PCSK5: variants seen among roughly 807,000 people sequenced by gnomAD.
PCSK5 encodes the protein prohormone convertase 5.
A neutral mutation model predicts 233.2 loss-of-function variants in PCSK5; 129 were observed. The observed-to-expected ratio is 0.55, with a 90% CI of 0.48 to 0.64. The LOEUF (loss-of-function observed/expected upper bound fraction) is 0.64. Ranked by LOEUF, PCSK5 falls within the 30% of genes least tolerant of loss-of-function variation. The pLI is 0.00. For missense variants in PCSK5, 2,076 were observed against 2,430.1 expected (o/e 0.85, Z 3.06); for synonymous variants, 825 against 879.2 (o/e 0.94, Z 1.09).
intron 28 of PCSK5, among the ~76,000 whole-genome samples, chr9:76,303,795 G>T (rs540989448): frequency 2.0e-5 from 3 of 152,158 alleles, no homozygotes; most frequent in Admixed American, 6.5e-5. Context: ...GGCCAAGGTG[G>T]CTCTGCACAA....
chr9:76,115,331 A>T (rs1274312713), intron 9 of PCSK5, among the ~76,000 whole-genome samples: 1 of 152,120 alleles, frequency 6.6e-6, no homozygotes, highest in Non-Finnish European at 1.5e-5. Context: ...GCTATAAGTG[A>T]CTGAGACAGT....
intron 5 of PCSK5, among the ~76,000 whole-genome samples, chr9:76,050,954 G>C (rs567639569): frequency 5.9e-5 from 9 of 152,090 alleles, no homozygotes; most frequent in Admixed American, 2.6e-4. Context: ...TGGTGGAGGG[G>C]GATATGACAG....
At chr9:76,307,920 G>C (rs768187875) in intron 28 of PCSK5, among the ~76,000 whole-genome samples, 1 of 152,096 alleles carries the variant, frequency 6.6e-6, no homozygotes, top group Non-Finnish European at 1.5e-5. Flanking sequence ...TCATCCGGCC[G>C]GGCGCGGTGG....
At chr9:75,995,871 A>C (rs1052869759) in intron 3 of PCSK5, among the ~76,000 whole-genome samples, 1 of 151,822 alleles carries the variant, frequency 6.6e-6, no homozygotes, top group African/African-American at 2.4e-5. Context: ...TTTCTTTATC[A>C]TTTGTTTTCT....
intron 3 of PCSK5, among the ~76,000 whole-genome samples, chr9:76,019,957 T>C (rs1314844701): frequency 6.6e-6 from 1 of 152,246 alleles, no homozygotes; most frequent in Non-Finnish European, 1.5e-5. Context: ...GAACTGAAAA[T>C]ACCTACATTT....
chr9:76,097,035 G>A (rs1458338714), intron 8 of PCSK5, among the ~76,000 whole-genome samples: 2 of 150,992 alleles, frequency 1.3e-5, no homozygotes, highest in Admixed American at 1.3e-4. Context: ...GGGTTCAAGT[G>A]ATTCTCCTGC....
At chr9:76,192,593 ACTTCTTCTTGTGTTGAATTTAATT>A (rs151276433) in intron 20 of PCSK5, among the ~76,000 whole-genome samples, 40,105 of 151,818 alleles carry the variant, frequency 0.26, 6,155 homozygotes, top group East Asian at 0.54. Context: ...GCACATGACT[ACTTCTTCTTGTGTTGAATTTAATT>A]CTTCTTCTTG....
At chr9:76,334,119 C>T (rs957875031) in intron 34 of PCSK5, among the ~76,000 whole-genome samples, 2 of 152,002 alleles carry the variant, frequency 1.3e-5, no homozygotes, top group Non-Finnish European at 2.9e-5. Context: ...CCAGGCGAAA[C>T]GGGTTTCTCC....
At chr9:76,153,412 G>T (rs1587692866) in intron 10 of PCSK5, among the ~76,000 whole-genome samples, 1 of 152,284 alleles carries the variant, frequency 6.6e-6, no homozygotes, top group East Asian at 1.9e-4. Flanking sequence ...AACTGGTCGG[G>T]ATTCCTGTTC....
intron 2 of PCSK5, among the ~76,000 whole-genome samples, chr9:75,982,225 TA>T (rs201926712): frequency 0.012 from 1,754 of 152,336 alleles, 21 homozygotes; most frequent in South Asian, 0.046. Flanking sequence ...TTTATTATAT[TA>T]ATCTCTATTG....
In PCSK5 at chr9:76,122,088, G is replaced by T. The variant is rs1427263672; in HGVS notation, c.1209-12021G>T. On this transcript the variant is annotated intron_variant, in intron 9 of 37. Transcript: ENST00000674117. ...TCCGCCCGCCTCGGCCTCCCAAAGT[G>T]CTGGGATTACAGGCGTGAGCCACCG... is the stretch of plus-strand genomic sequence containing the variant. 1.4e-4 allele frequency among the ~76,000 whole-genome samples: 6 copies of T among 43,744 alleles called. 1 individual carries two copies. Among genetic ancestry groups the T allele is most frequent in the African/African-American group, 3.7e-4 (6 of 16,434 alleles). The allele number at this position is 43,744 out of a possible 152,430, so 28.7% of individuals were successfully genotyped here.
chr9:76,207,744 T>C (rs10781346), intron 20 of PCSK5, among the ~76,000 whole-genome samples: 64,908 of 151,928 alleles, frequency 0.43, 14,818 homozygotes, highest in East Asian at 0.68. Context: ...AGTGGAAGGA[T>C]AGAGCTGGAG....
intron 1 of PCSK5, among the ~76,000 whole-genome samples, chr9:75,924,896 G>T (rs557156904): frequency 1.8e-4 from 27 of 152,182 alleles, no homozygotes; most frequent in African/African-American, 6.3e-4. Flanking sequence ...TAACTGTGTG[G>T]CCCCGGGCAG....
intron 1 of PCSK5, among the ~76,000 whole-genome samples, chr9:75,923,004 T>C (rs1464890843): frequency 3.3e-5 from 5 of 152,208 alleles, no homozygotes; most frequent in Admixed American, 3.3e-4. Context: ...TGAGGCCTTA[T>C]ATTAGTGAGG....
chr9:76,122,699 A>AT (rs1343841369), intron 9 of PCSK5, among the ~76,000 whole-genome samples: 1 of 152,064 alleles, frequency 6.6e-6, no homozygotes, highest in African/African-American at 2.4e-5. Flanking sequence ...TGTAGGACAT[A>AT]TATTTCAATA....
intron 4 of PCSK5, among the ~76,000 whole-genome samples, chr9:76,025,944 TA>T (rs202102766): frequency 4.0e-5 from 6 of 149,876 alleles, no homozygotes; most frequent in African/African-American, 7.3e-5. Flanking sequence ...TTAAAAATAG[TA>T]AAAAAAAAAT....
intron 24 of PCSK5, among the ~76,000 whole-genome samples, chr9:76,259,018 C>T (rs2132180): frequency 0.021 from 3,134 of 152,280 alleles, 45 homozygotes; most frequent in Middle Eastern, 0.044. Context: ...AGCATCAGAG[C>T]TATGCCCAAT....
intron 16 of PCSK5, among the ~76,000 whole-genome samples, chr9:76,183,589 G>A (rs1823967971): frequency 6.6e-6 from 1 of 152,206 alleles, no homozygotes; most frequent in Non-Finnish European, 1.5e-5. Context: ...TGCAAATCTA[G>A]GTCATCTGAG....
At chr9:75,949,454 A>G (rs970182778) in intron 2 of PCSK5, among the ~76,000 whole-genome samples, 5 of 152,130 alleles carry the variant, frequency 3.3e-5, no homozygotes, top group Non-Finnish European at 7.4e-5. Context: ...TCATAAAGGA[A>G]CATGGATTGT....
Sources: gnomAD v4.1 joint callset for allele counts (sites outside exome capture counted in the v4.1 genomes callset) on GRCh38, gnomAD v4.1.1 for gene constraint, MANE v1.5 for transcripts, NCBI Gene and HGNC (gene_info 2026-07-23, HGNC 2026-07-21) for gene names.